Variants in CEP85L observed in about 807,000 individuals in gnomAD.
CEP85L encodes the protein centrosomal protein of 85 kDa-like.
Under a neutral mutation model 100.3 loss-of-function variants are expected in CEP85L, and 60 were observed. That is an observed-to-expected ratio of 0.60 (90% confidence interval 0.49 to 0.74). The LOEUF is 0.74. Among genes scored for constraint, CEP85L ranks in the 30% least tolerant of loss-of-function variants. The probability of loss-of-function intolerance (pLI) is 0.00; values close to 1 mark genes in which losing one functional copy is unlikely to be tolerated. For synonymous variants in CEP85L, 319 were observed against 322.7 expected, an observed-to-expected ratio of 0.99 and a Z score of 0.12; for missense variants, 973 against 936.2, an observed-to-expected ratio of 1.04 and a Z score of -0.51.
chr6:118,579,286 T>C (rs1780425666), intron 2 of CEP85L, among the ~76,000 whole-genome samples: 1 of 148,358 alleles, frequency 6.7e-6, no homozygotes, highest in African/African-American at 2.5e-5. Context: ...ATTTGATGTA[T>C]GGTTCAAAGA....
intron 1 of CEP85L, among the ~76,000 whole-genome samples, chr6:118,648,239 G>A (rs1775328876): frequency 6.6e-6 from 1 of 152,068 alleles, no homozygotes; most frequent in Non-Finnish European, 1.5e-5. Flanking sequence ...GGGCAACAGA[G>A]GGAAACTCTG....
intron 2 of CEP85L, among the ~76,000 whole-genome samples, chr6:118,613,757 C>A (rs148124148): frequency 4.3e-3 from 440 of 102,534 alleles, no homozygotes; most frequent in South Asian, 8.5e-3. Context: ...ATCTGTGTCT[C>A]AAAAAAAAAA....
chr6:118,529,648 A>G (rs1375166023), intron 3 of CEP85L, among the ~76,000 whole-genome samples: 1 of 151,024 alleles, frequency 6.6e-6, no homozygotes, highest in Non-Finnish European at 1.5e-5. Flanking sequence ...TCTTACTAGT[A>G]TCAATTATCT....
At chr6:118,504,393 A>T (rs1279345833) in intron 5 of CEP85L, among the ~76,000 whole-genome samples, 1 of 151,798 alleles carries the variant, frequency 6.6e-6, no homozygotes, top group East Asian at 1.9e-4. Context: ...AAAAAAAAAA[A>T]TCATACCTAC....
chr6:118,614,759 T>C (rs1772901827), intron 2 of CEP85L, among the ~76,000 whole-genome samples: 1 of 152,222 alleles, frequency 6.6e-6, no homozygotes, highest in Non-Finnish European at 1.5e-5. Context: ...GAGAATTGCT[T>C]GGACCCCGGA....
At chr6:118,467,812 C>T (rs1233604189) in intron 12 of CEP85L, among the ~76,000 whole-genome samples, 1 of 152,210 alleles carries the variant, frequency 6.6e-6, no homozygotes, top group Admixed American at 6.5e-5. Context: ...AACTTCTCCT[C>T]TTCCTCGTCT....
intron 1 of CEP85L, among the ~76,000 whole-genome samples, chr6:118,675,265 A>G (rs899416420): frequency 2.0e-5 from 3 of 152,046 alleles, no homozygotes; most frequent in African/African-American, 7.2e-5. Context: ...TATACACTTT[A>G]TATTATATAT....
intron 2 of CEP85L, among the ~76,000 whole-genome samples, chr6:118,609,017 G>A (rs1772431510): frequency 6.6e-6 from 1 of 152,280 alleles, no homozygotes; most frequent in Non-Finnish European, 1.5e-5. Flanking sequence ...AATTCTAGGA[G>A]CTTCAGGTGG....
chr6:118,571,515 C>T (rs771259548), intron 2 of CEP85L, among the ~76,000 whole-genome samples: 6 of 152,250 alleles, frequency 3.9e-5, no homozygotes, highest in South Asian at 4.1e-4. Flanking sequence ...TCTTCTGTTT[C>T]GCTATCATGT....
At chr6:118,615,447 A>AC (rs1038313213) in intron 2 of CEP85L, among the ~76,000 whole-genome samples, 1 of 151,876 alleles carries the variant, frequency 6.6e-6, no homozygotes, top group African/African-American at 2.4e-5. Flanking sequence ...GGAAAAAAAA[A>AC]AACCTCAGTC....
At chr6:118,615,403 A>T (rs1772962972) in intron 2 of CEP85L, among the ~76,000 whole-genome samples, 1 of 150,290 alleles carries the variant, frequency 6.7e-6, no homozygotes. Context: ...AAAACAAAAC[A>T]GTACACATAA....
At chr6:118,558,918 T>C (rs749900271) in intron 3 of CEP85L, 2 of 1,613,140 alleles carry the variant, frequency 1.2e-6, no homozygotes, top group South Asian at 2.2e-5. Flanking sequence ...GTCCTGCTGG[T>C]ATCATGGAGA....
At chr6:118,584,650 C>G (rs1431236984) in intron 2 of CEP85L, among the ~76,000 whole-genome samples, 2 of 152,206 alleles carry the variant, frequency 1.3e-5, no homozygotes, top group African/African-American at 4.8e-5. Context: ...ACCAGGCCAA[C>G]AGCCAGTGGG....
chr6:118,600,296 T>G (rs60893633), intron 2 of CEP85L, among the ~76,000 whole-genome samples: 5,583 of 34,068 alleles, frequency 0.16, 1,783 homozygotes, highest in Non-Finnish European at 0.21. Flanking sequence ...TGAGCCTTCC[T>G]GGGGGTGTGT....
At position 118,484,916 on chromosome 6, in the gene CEP85L, A is replaced by T. The variant is rs200675003; in HGVS notation, c.1438-1058T>A. ...CAACACTAGTTTAAGGCACTGTGTC[A>T]TAATTGAATTTGCAGCTTATTTTCT... On this transcript the variant is annotated intron_variant, in intron 6 of 12. Transcript: ENST00000368491. Among the ~76,000 whole-genome samples the T allele has an allele frequency of 5.3e-5, 8 of 152,240 alleles. No homozygotes were observed. In the East Asian group the frequency reaches 1.5e-3, roughly 29 times the overall value.
At chr6:118,640,168 C>G (rs1356686729) in intron 1 of CEP85L, among the ~76,000 whole-genome samples, 1 of 151,952 alleles carries the variant, frequency 6.6e-6, no homozygotes, top group Non-Finnish European at 1.5e-5. Context: ...CAGAAAAAAC[C>G]AACAAATCTG....
At chr6:118,472,026 T>C (rs1772997471) in intron 10 of CEP85L, among the ~76,000 whole-genome samples, 1 of 151,774 alleles carries the variant, frequency 6.6e-6, no homozygotes, top group Non-Finnish European at 1.5e-5. Context: ...ATAGACACAC[T>C]ACTCAAACTC....
intron 1 of CEP85L, among the ~76,000 whole-genome samples, chr6:118,707,825 A>T (rs1777645042): frequency 6.6e-6 from 1 of 152,258 alleles, no homozygotes; most frequent in African/African-American, 2.4e-5. Context: ...CAATGAACAT[A>T]TATAAAGATA....
chr6:118,651,549 C>CAGGCTCAA lies in CEP85L; in HGVS notation c.-288_-281dup. ...CGGCTGCTAGATCCCCGGCTGAGCCCAGGCTCAAAGGCTCCAGGCGAAGTT... is the reference window on the plus strand; with the variant it reads ...CGGCTGCTAGATCCCCGGCTGAGCCCAGGCTCAAAGGCTCAAAGGCTCCAGGCGAAGTT... On this transcript the variant is annotated 5_prime_UTR_variant, in exon 1 of 13. Transcript: ENST00000368491. 1 of 1,237,468 alleles carries CAGGCTCAA rather than the reference C, an allele frequency of 8.1e-7. No individual in the cohort carries two copies. Among genetic ancestry groups the CAGGCTCAA allele is most frequent in the Non-Finnish European group, 1.0e-6 (1 of 988,494 alleles). 76.7% of individuals were successfully genotyped at this position (1,237,468 alleles called of 1,614,324 possible).
Sources: allele counts gnomAD v4.1 joint callset (sites outside exome capture counted in the v4.1 genomes callset), GRCh38; gene constraint gnomAD v4.1.1; transcripts MANE v1.5; gene names NCBI Gene and HGNC (gene_info 2026-07-23, HGNC 2026-07-21).